The following SLC4A9 variants were observed in gnomAD, a reference collection of about 807,000 sequenced individuals.
SLC4A9 encodes solute carrier family 4 member 9, also known as anion exchange protein 4.
A neutral mutation model predicts 103.2 loss-of-function variants in SLC4A9; 102 were observed. That is an observed-to-expected ratio of 0.99 (90% CI 0.84 to 1.17). SLC4A9 has a LOEUF of 1.17. Ranked by LOEUF, SLC4A9 falls within the 50% of genes most tolerant of loss-of-function variation. The probability of loss-of-function intolerance (pLI) is 0.00; values close to 1 mark genes in which losing one functional copy is unlikely to be tolerated. For synonymous variants in SLC4A9, 453 were observed against 483.6 expected, an observed-to-expected ratio of 0.94 and a Z score of 0.83; for missense variants, 1,091 against 1,193.7, an observed-to-expected ratio of 0.91 and a Z score of 1.27.
chr5:140,363,003 C>T lies in SLC4A9; in HGVS notation c.899C>T (p.Pro300Leu), dbSNP rs1323065625. The change falls in exon 7 of 22, where the codon CCA becomes CTA. Residue 300 changes from proline to leucine, a missense_variant. By Grantham distance (98) the Pro-to-Leu change is moderately conservative. Coordinates refer to ENST00000506757, the MANE Select transcript of SLC4A9 (RefSeq NM_031467.3). The surrounding 1 kb of genome is among the most constrained non-coding windows in gnomAD (Gnocchi z 4.5). ...CTAGAGGAGGTGACAGTGCTTCCCC[C>T]AGGTCGGTGGGACCCAACAGCCCGG... ...AFLEEVTVLP[P>L]GRWDPTARIP... 6.2e-7 allele frequency: 1 copy of T among 1,612,674 alleles called. No individual in the cohort carries two copies.
intron 5 of SLC4A9, 42 bp downstream of exon 5, chr5:140,362,216 T>C (rs748306543): frequency 1.4e-6 from 2 of 1,481,444 alleles, no homozygotes; most frequent in Non-Finnish European, 1.8e-6. Context: ...TCCCAGAACC[T>C]AGAAGGGTCT....
chr5:140,365,446 G>C, intron 11 of SLC4A9, 74 bp from the exon 12 acceptor site: 1 of 1,349,460 alleles, frequency 7.4e-7, no homozygotes. Flanking sequence ...GGACCCATCA[G>C]ATAAGAATTT....
At chr5:140,366,414 G>A (rs1767896743) in intron 14 of SLC4A9, 150 bp downstream of exon 14, 1 of 625,824 alleles carries the variant, frequency 1.6e-6, no homozygotes, top group Admixed American at 3.0e-5. Context: ...TCACAGGGTT[G>A]TCATGAGGAT....
intron 5 of SLC4A9, 22 bp downstream of exon 5, chr5:140,362,196 G>A: frequency 6.6e-7 from 1 of 1,504,838 alleles, no homozygotes; most frequent in South Asian, 1.4e-5. Flanking sequence ...GAGTGAGTGG[G>A]AGTCAGGGAT....
At position 140,364,087 on chromosome 5, in the gene SLC4A9, G is replaced by T. The variant is rs766993747; in HGVS notation, c.1288G>T (p.Ala430Ser). The T allele has an allele frequency of 1.9e-6, 3 of 1,578,112 alleles. No individual in the cohort carries two copies. The highest frequency in any genetic ancestry group is 2.7e-5 in the African/African-American group (2 of 73,782). The change falls in exon 10 of 22, where the codon GCT becomes TCT. Residue 430 changes from alanine (A) to serine (S), a missense_variant. By Grantham distance (99) the Ala-to-Ser change is moderately conservative (BLOSUM62 1). Coordinates refer to ENST00000506757, the MANE Select transcript of SLC4A9 (RefSeq NM_031467.3). ...GGAAAGTTTCCTGGGCACAGCAGTG[G>T]CTGGAGCTGCCTTCTGCCTGATGGC... ...VLESFLGTAV[A>S]GAAFCLMAGQ...
chr5:140,372,712 T>C (rs1384114057), intron 20 of SLC4A9, 33 bp from the exon 21 acceptor site: 2 of 1,528,104 alleles, frequency 1.3e-6, no homozygotes, highest in African/African-American at 2.8e-5. Flanking sequence ...TTTCTATCTA[T>C]TCTCAATCCA....
chr5:140,372,138 G>A, intron 19 of SLC4A9, 104 bp from the exon 20 acceptor site: 2 of 1,029,294 alleles, frequency 1.9e-6, no homozygotes, highest in Non-Finnish European at 2.7e-6. Flanking sequence ...CAGTGAAACT[G>A]ATATACAATG....
chr5:140,360,813 TG>T lies in SLC4A9; in HGVS notation c.235del (p.Val79TyrfsTer55), dbSNP rs754438344. On this transcript the variant is annotated frameshift_variant and splice_region_variant, in exon 2 of 22. Coordinates refer to ENST00000506757, the MANE Select transcript of SLC4A9 (RefSeq NM_031467.3). LOFTEE classifies it high-confidence loss of function. ...ACTGTCTACCCACCTTCATCACAGG[TG>T]GGTACTGTTTGAGGAGAAGTTGGAG... ...QALEWRETGR[W>X]VLFEEKLEVA... 6.2e-7 allele frequency: 1 copy of T among 1,613,268 alleles called. No homozygotes were observed. Among genetic ancestry groups the T allele is most frequent in the Non-Finnish European group, 8.5e-7 (1 of 1,179,770 alleles).
rs533078086 is a variant in SLC4A9, at chr5:140,360,712, G to C, written c.231-100G>C. On this transcript the variant is annotated intron_variant, in intron 1 of 21. Transcript: ENST00000506757. ...GGAGACTTCACACCACTGGGCCCAGGATGCCCTCATTGCCTTGCCTTCCCT... is the reference window on the plus strand; with the variant it reads ...GGAGACTTCACACCACTGGGCCCAGCATGCCCTCATTGCCTTGCCTTCCCT... The C allele has an allele frequency of 1.9e-6, 3 of 1,560,650 alleles. No individual in the cohort carries two copies. The Admixed American group carries it at 5.6e-5, about 29-fold the overall frequency.
intron 12 of SLC4A9, 95 bp from the exon 13 acceptor site, chr5:140,365,739 G>A: frequency 6.9e-7 from 1 of 1,454,024 alleles, no homozygotes; most frequent in East Asian, 2.3e-5. Flanking sequence ...GGCCCCTGGT[G>A]TCTCTGTGGG....
intron 16 of SLC4A9, 126 bp downstream of exon 16, chr5:140,368,024 A>G: frequency 2.1e-6 from 2 of 964,008 alleles, no homozygotes; most frequent in Non-Finnish European, 3.1e-6. Flanking sequence ...CAGTGGCAGA[A>G]TGAGTGAGTT....
In SLC4A9 at chr5:140,363,921, G is replaced by A. The variant is rs755814110; in HGVS notation, c.1254+19G>A. The stretch of plus-strand genomic sequence containing the variant: ...TGCCCAGGTGGGTAGGGCCCAGGGG[G>A]CAGGCACAAGCGTTGGTGTCCCCTA... On this transcript the variant is annotated intron_variant, in intron 9 of 21. Coordinates refer to ENST00000506757, the MANE Select transcript of SLC4A9 (RefSeq NM_031467.3). This position sits in a 1 kb window ranked among gnomAD's most constrained non-coding sequence, Gnocchi z 4.5. The A allele has an allele frequency of 7.4e-6, 12 of 1,610,936 alleles. No homozygotes were observed. In the East Asian group the frequency reaches 2.2e-4, roughly 30 times the overall value.
chr5:140,363,684 G>A lies in SLC4A9; in HGVS notation c.1080-44G>A. 4 of 1,608,442 alleles carry A rather than the reference G, an allele frequency of 2.5e-6. No individual in the cohort carries two copies. The highest frequency in any genetic ancestry group is 3.4e-6 in the Non-Finnish European group (4 of 1,176,952). ...CAGGGAAAGTAGCGGGGATGCGGGT[G>A]TGGAGTGTGAAAACCTGGATCACTG... On this transcript the variant is annotated intron_variant, in intron 8 of 21. Coordinates refer to ENST00000506757, the MANE Select transcript of SLC4A9 (RefSeq NM_031467.3). The surrounding 1 kb of genome is among the most constrained non-coding windows in gnomAD (Gnocchi z 4.5).
rs760979728 is a variant in SLC4A9, at chr5:140,365,501, ATTC to A, written c.1652-14_1652-12del. The A allele has an allele frequency of 9.4e-6, 15 of 1,603,324 alleles. No homozygotes were observed. In the South Asian group the frequency reaches 1.1e-4, roughly 12 times the overall value. ...CCCAGGGGAGGGAACATACATCTGA[ATTC>A]TTCTCTGCTTCCCAGGAAATGAGTC... On this transcript the variant is annotated splice_polypyrimidine_tract_variant and intron_variant, in intron 11 of 21. Coordinates refer to ENST00000506757, the MANE Select transcript of SLC4A9 (RefSeq NM_031467.3).
intron 14 of SLC4A9, 24 bp from the exon 15 acceptor site, chr5:140,367,396 T>C (rs182298316): frequency 1.2e-6 from 2 of 1,608,004 alleles, no homozygotes; most frequent in African/African-American, 2.7e-5. Flanking sequence ...CACTCCAACC[T>C]GTCCATGAAA....
At chr5:140,367,389 T>C (rs368884937) in intron 14 of SLC4A9, 31 bp from the exon 15 acceptor site, 14 of 1,604,884 alleles carry the variant, frequency 8.7e-6, no homozygotes, top group Non-Finnish European at 1.2e-5. Flanking sequence ...GGAGACCCAC[T>C]CCAACCTGTC....
chr5:140,361,329 A>T lies in SLC4A9; in HGVS notation c.467A>T (p.Gln156Leu). ...QLQALLLQRPQHYNQTTGTRP... is the reference protein window; with the variant it reads ...QLQALLLQRPLHYNQTTGTRP... ...CAGGCCTTGCTGCTGCAGAGACCCC[A>T]GCATTACAACCAGACCACAGGCACC... The change falls in exon 3 of 22, where the codon CAG (glutamine) becomes CTG (leucine). Residue 156 changes from glutamine (Q) to leucine (L), a missense_variant. Transcript: ENST00000506757. The T allele has an allele frequency of 6.4e-7, 1 of 1,565,294 alleles. No individual in the cohort carries two copies. The highest frequency in any genetic ancestry group is 8.7e-7 in the Non-Finnish European group (1 of 1,154,796).
rs374654422 is a variant in SLC4A9, at chr5:140,364,143, G to C, written c.1344G>C (p.Thr448=). The C allele has an allele frequency of 2.3e-3, 3,690 of 1,592,650 alleles. 6 individuals carry two copies. Among genetic ancestry groups the C allele is most frequent in the Non-Finnish European group, 2.9e-3 (3,378 of 1,168,866 alleles). The change falls in exon 10 of 22, where the codon ACG becomes ACC. Residue 448 remains threonine, a synonymous_variant. Coordinates refer to ENST00000506757, the MANE Select transcript of SLC4A9 (RefSeq NM_031467.3). ...AGCCCCTCACCATTCTGAGCAGCAC[G>C]GGGCCAGTGCTGGTCTTTGAGCGCC... ...AGQPLTILSS[T]GPVLVFERLL...
At chr5:140,372,597 G>A in intron 20 of SLC4A9, 148 bp from the exon 21 acceptor site, 1 of 1,439,202 alleles carries the variant, frequency 6.9e-7, no homozygotes, top group Non-Finnish European at 9.1e-7. Flanking sequence ...CTCGATGTGG[G>A]TGGAAAGGGC....
Sources: allele counts gnomAD v4.1 joint callset, GRCh38; gene constraint gnomAD v4.1.1; non-coding constraint Gnocchi (gnomAD v3.1); transcripts MANE v1.5; gene names NCBI Gene and HGNC (gene_info 2026-07-23, HGNC 2026-07-21).